PHF21B: variants seen among roughly 807,000 people sequenced by gnomAD.
PHF21B encodes PHD finger protein 21B.
Under a neutral mutation model 62.2 loss-of-function variants are expected in PHF21B, and 22 were observed. That is an observed-to-expected ratio of 0.35 (90% CI 0.25 to 0.51). The LOEUF is 0.51. PHF21B is among the 20% of genes least tolerant of loss of function. The pLI, the probability that PHF21B is intolerant of heterozygous loss-of-function variation, is 0.97. For synonymous variants in PHF21B, 341 were observed against 314.7 expected (o/e 1.08, Z -0.88); for missense variants, 701 against 707.9 (o/e 0.99, Z 0.11).
intron 2 of PHF21B, among the ~76,000 whole-genome samples, chr22:44,985,174 A>G (rs766317459): frequency 2.6e-5 from 4 of 152,202 alleles, no homozygotes; most frequent in African/African-American, 9.7e-5. Context: ...TCTAACAGCA[A>G]TATCATTTAC....
chr22:44,995,018 C>T (rs929378221), intron 2 of PHF21B, among the ~76,000 whole-genome samples: 46 of 152,216 alleles, frequency 3.0e-4, no homozygotes, highest in Admixed American at 2.0e-3. Context: ...GCCAGGTCCC[C>T]GGCTCTCAGA....
At chr22:44,933,951 G>A (rs1212707302) in intron 2 of PHF21B, among the ~76,000 whole-genome samples, 1 of 152,236 alleles carries the variant, frequency 6.6e-6, no homozygotes, top group African/African-American at 2.4e-5. Context: ...TATTTACTGA[G>A]ATCCTGCCAT....
intron 3 of PHF21B, among the ~76,000 whole-genome samples, chr22:44,919,210 T>G (rs2071492015): frequency 3.7e-5 from 3 of 81,812 alleles, no homozygotes; most frequent in African/African-American, 2.2e-4. Context: ...CTTTCTGGCA[T>G]GGCCCGATCA....
chr22:44,945,680 C>G (rs927420764), intron 2 of PHF21B, among the ~76,000 whole-genome samples: 1 of 150,708 alleles, frequency 6.6e-6, no homozygotes, highest in South Asian at 2.1e-4. Context: ...TCTTCCAGCA[C>G]CTGACCAGTC....
intron 2 of PHF21B, among the ~76,000 whole-genome samples, chr22:44,938,384 C>T (rs2071890604): frequency 6.6e-6 from 1 of 152,244 alleles, no homozygotes; most frequent in Non-Finnish European, 1.5e-5. Context: ...CAGGCACCTG[C>T]CATCATGCAT....
At chr22:44,911,235 G>T (rs1601590776) in intron 5 of PHF21B, among the ~76,000 whole-genome samples, 1 of 152,230 alleles carries the variant, frequency 6.6e-6, no homozygotes, top group East Asian at 1.9e-4. Context: ...CAGAAAATGT[G>T]CAGCCTGACA....
At chr22:45,008,771 C>T (rs2073373353) in intron 1 of PHF21B, 161 bp from the exon 2 acceptor site, 1 of 1,152,348 alleles carries the variant, frequency 8.7e-7, no homozygotes, top group Non-Finnish European at 1.1e-6. Context: ...GGCGGCCGGG[C>T]AGTGCCGCGC....
At chr22:44,893,769 G>A (rs1213058789) in intron 6 of PHF21B, among the ~76,000 whole-genome samples, 1 of 152,252 alleles carries the variant, frequency 6.6e-6, no homozygotes, top group Non-Finnish European at 1.5e-5. Context: ...GAGGCTGGCA[G>A]GTACCCAGAA....
intron 2 of PHF21B, among the ~76,000 whole-genome samples, chr22:45,007,553 G>A (rs1200148421): frequency 2.0e-5 from 2 of 100,228 alleles, no homozygotes; most frequent in East Asian, 4.4e-4. Flanking sequence ...GCGGGCGGGG[G>A]CGGGGCGCGA....
intron 2 of PHF21B, among the ~76,000 whole-genome samples, chr22:44,950,871 C>T (rs183939815): frequency 6.6e-6 from 1 of 152,044 alleles, no homozygotes; most frequent in Admixed American, 6.5e-5. Context: ...TTTTTTCTTA[C>T]TCATTCTGGC....
At chr22:44,936,091 C>T (rs2071840739) in intron 2 of PHF21B, among the ~76,000 whole-genome samples, 1 of 152,244 alleles carries the variant, frequency 6.6e-6, no homozygotes, top group Non-Finnish European at 1.5e-5. Context: ...GGAAACATTC[C>T]TTGTCCTCCA....
intron 2 of PHF21B, among the ~76,000 whole-genome samples, chr22:45,002,207 A>T (rs1231305622): frequency 6.6e-6 from 1 of 152,252 alleles, no homozygotes; most frequent in Non-Finnish European, 1.5e-5. Flanking sequence ...GTATTGACAT[A>T]TATCAATATA....
rs2073384864 is a variant in PHF21B at position 45,009,431 on chromosome 22, G to A, written c.54+65C>T. The A allele has an allele frequency of 6.9e-7, 1 of 1,448,646 alleles. No individual in the cohort carries two copies. Among genetic ancestry groups the A allele is most frequent in the Non-Finnish European group, 9.2e-7 (1 of 1,088,550 alleles). 89.7% of individuals were successfully genotyped at this position (1,448,646 alleles called of 1,614,324 possible). A position where few individuals can be genotyped will look rare whatever the true frequency, so the allele number is the denominator to read the frequency against. ...CCCGGAAGAGAGGATGCTGGGCTCG[G>A]GTCCCCCGACCCCCTCACCCCGCAA... On this transcript the variant is annotated intron_variant, in intron 1 of 12. Coordinates refer to ENST00000313237, the MANE Select transcript of PHF21B (RefSeq NM_138415.5). This position sits in a 1 kb window ranked among gnomAD's most constrained non-coding sequence, Gnocchi z 5.9.
intron 4 of PHF21B, 134 bp from the exon 5 acceptor site, chr22:44,914,222 G>A (rs1251226670): frequency 1.8e-5 from 10 of 568,180 alleles, no homozygotes; most frequent in South Asian, 7.5e-5. Flanking sequence ...GCGGATCCCC[G>A]GGAACTGGGT....
intron 2 of PHF21B, among the ~76,000 whole-genome samples, chr22:44,979,178 G>T (rs1419654676): frequency 6.6e-6 from 1 of 152,264 alleles, no homozygotes; most frequent in African/African-American, 2.4e-5. Flanking sequence ...CAGAGATCTA[G>T]AGTGTGGAGG....
intron 2 of PHF21B, among the ~76,000 whole-genome samples, chr22:44,954,785 T>C (rs184874955): frequency 1.6e-4 from 25 of 152,180 alleles, no homozygotes; most frequent in Non-Finnish European, 3.2e-4. Flanking sequence ...CACCCCACGC[T>C]CCCAGGAATT....
chr22:44,908,871 C>T (rs2147287651), intron 5 of PHF21B, among the ~76,000 whole-genome samples: 1 of 152,332 alleles, frequency 6.6e-6, no homozygotes, highest in East Asian at 1.9e-4. Flanking sequence ...AATCTTGGCT[C>T]ACCGCAACCT....
In PHF21B at chr22:44,913,994, AGTGATGGGGAGGGAGGG is replaced by A; in HGVS notation, c.642_658del (p.Pro215ValfsTer121). ...GATGCCATGGAGGGGTGAAGGGGAC[AGTGATGGGGAGGGAGGG>A]GTGAGGGGAAGAGAGGAGGGGTGGA... is the stretch of plus-strand genomic sequence containing the variant. On this transcript the variant is annotated frameshift_variant, in exon 5 of 13. Coordinates refer to ENST00000313237, the MANE Select transcript of PHF21B (RefSeq NM_138415.5). LOFTEE classifies it high-confidence loss of function. 2 of 485,600 alleles carry A rather than the reference AGTGATGGGGAGGGAGGG, an allele frequency of 4.1e-6. No individual in the cohort carries two copies. Among genetic ancestry groups the A allele is most frequent in the Non-Finnish European group, 7.0e-6 (2 of 286,496 alleles). 30.1% of individuals were successfully genotyped at this position (485,600 alleles called of 1,614,324 possible).
In PHF21B at chr22:44,947,336, G is replaced by C. The variant is rs139055339; in HGVS notation, c.121-26846C>G. Among the ~76,000 whole-genome samples, 190 of 152,360 alleles carry C rather than the reference G, an allele frequency of 1.2e-3. 1 individual carries two copies. Among genetic ancestry groups the C allele is most frequent in the African/African-American group, 4.4e-3 (183 of 41,588 alleles). ...AAATGATCTCGCAAGGCAGGGCTCT[G>C]CTGCCTTTGTTTTTAAGCAGACCGA... On this transcript the variant is annotated intron_variant, in intron 2 of 12. Transcript: ENST00000313237.
Sources: allele counts gnomAD v4.1 joint callset (sites outside exome capture counted in the v4.1 genomes callset), GRCh38; gene constraint gnomAD v4.1.1; non-coding constraint Gnocchi (gnomAD v3.1); transcripts MANE v1.5; gene names NCBI Gene and HGNC (gene_info 2026-07-23, HGNC 2026-07-21).